ROBO1: variants seen among roughly 807,000 people sequenced by gnomAD.
ROBO1 encodes roundabout homolog 1.
Under a neutral mutation model 195.9 loss-of-function variants are expected in ROBO1, and 149 were observed. The observed-to-expected ratio is 0.76, with a 90% CI of 0.67 to 0.87. The LOEUF is 0.87. Ranked by LOEUF, ROBO1 falls within the 40% of genes least tolerant of loss-of-function variation. The pLI, the probability that ROBO1 is intolerant of heterozygous loss-of-function variation, is 0.00. For synonymous variants in ROBO1, 816 were observed against 733.2 expected, an observed-to-expected ratio of 1.11 and a Z score of -1.82; for missense variants, 1,933 against 2,068.3, an observed-to-expected ratio of 0.93 and a Z score of 1.27.
chr3:79,243,744 G>A lies in ROBO1; in HGVS notation c.89-118205C>T, dbSNP rs185136036. ...TCTGGATATTAGCCCTTTGTCAGAT[G>A]AGTAGATTGCAAAAATTTTCTCCCA... On this transcript the variant is annotated intron_variant, in intron 2 of 30. Transcript: ENST00000464233. Among the ~76,000 whole-genome samples the A allele has an allele frequency of 8.1e-3, 1,230 of 152,246 alleles. 23 individuals are homozygous for A. Among genetic ancestry groups the A allele is most frequent in the African/African-American group, 0.029 (1,192 of 41,538 alleles).
chr3:79,207,541 C>T (rs1188661525), intron 2 of ROBO1, among the ~76,000 whole-genome samples: 1 of 152,074 alleles, frequency 6.6e-6, no homozygotes, highest in Non-Finnish European at 1.5e-5. Context: ...TAATGAGAGA[C>T]TAAACCAGTG....
At chr3:79,174,855 C>CAAAAAAAAAA (rs796987730) in intron 2 of ROBO1, among the ~76,000 whole-genome samples, 1 of 74,456 alleles carries the variant, frequency 1.3e-5, no homozygotes, top group African/African-American at 4.2e-5. Context: ...GACTCCGCCT[C>CAAAAAAAAAA]AAAAAAAAAA....
In ROBO1 at chr3:79,747,773, T is replaced by C. The variant is rs550840208; in HGVS notation, c.-51+19979A>G. ...TATACTGGACAAATATGTAGTGTGT[T>C]TCAGGAAAATGAAAATGTGTGTCAA... On this transcript the variant is annotated intron_variant, in intron 1 of 30. Transcript: ENST00000464233. Among the ~76,000 whole-genome samples, 7 of 152,078 alleles carry C rather than the reference T, an allele frequency of 4.6e-5. No homozygotes were observed. In the East Asian group the frequency reaches 9.6e-4, roughly 21 times the overall value.
chr3:79,126,209 G>A (rs966966928), intron 2 of ROBO1, among the ~76,000 whole-genome samples: 3 of 151,954 alleles, frequency 2.0e-5, no homozygotes, highest in African/African-American at 7.3e-5. Context: ...GGATATTTTG[G>A]GTTGGATATT....
In ROBO1 at chr3:78,598,561, AAG is replaced by A. The variant is rs1166828876; in HGVS notation, c.*350_*351del. On this transcript the variant is annotated 3_prime_UTR_variant, in exon 31 of 31. Coordinates refer to ENST00000464233, the MANE Select transcript of ROBO1 (RefSeq NM_002941.4). ...CTTGCTATAAATTAGCTTGGCATAT[AAG>A]CAGTGCAATGCCATATCTCAGCGGC... 1 of 193,084 alleles carries A rather than the reference AAG, an allele frequency of 5.2e-6. No homozygotes were observed. The highest frequency in any genetic ancestry group is 1.1e-5 in the Non-Finnish European group (1 of 95,144). 12.0% of individuals were successfully genotyped at this position (193,084 alleles called of 1,614,324 possible).
At chr3:79,664,303 T>A (rs867677179) in intron 1 of ROBO1, among the ~76,000 whole-genome samples, 2 of 152,016 alleles carry the variant, frequency 1.3e-5, no homozygotes, top group Admixed American at 6.6e-5. Flanking sequence ...GAGATTTTGT[T>A]TTCTTTTTAT....
intron 5 of ROBO1, among the ~76,000 whole-genome samples, chr3:78,725,235 C>T (rs1347694861): frequency 2.6e-5 from 4 of 152,044 alleles, no homozygotes; most frequent in African/African-American, 9.6e-5. Flanking sequence ...TTGATGAAAG[C>T]AAAGCAAAAC....
chr3:79,473,818 A>G (rs905731496), intron 2 of ROBO1, among the ~76,000 whole-genome samples: 10 of 152,082 alleles, frequency 6.6e-5, no homozygotes, highest in Admixed American at 4.6e-4. Flanking sequence ...TAGATAGTTG[A>G]ATAAGAATAC....
chr3:79,488,942 T>C (rs189712298), intron 2 of ROBO1, among the ~76,000 whole-genome samples: 21 of 152,090 alleles, frequency 1.4e-4, no homozygotes, highest in Admixed American at 8.5e-4. Flanking sequence ...TAGCCTTGAG[T>C]CTCCAAAGTC....
intron 4 of ROBO1, among the ~76,000 whole-genome samples, chr3:78,841,519 C>T (rs1277816859): frequency 6.6e-6 from 1 of 152,056 alleles, no homozygotes; most frequent in Non-Finnish European, 1.5e-5. Context: ...TTGACTCGAC[C>T]CAGTTACCTG....
intron 2 of ROBO1, among the ~76,000 whole-genome samples, chr3:79,432,979 T>C (rs2038738154): frequency 6.6e-6 from 1 of 152,218 alleles, no homozygotes; most frequent in Non-Finnish European, 1.5e-5. Flanking sequence ...TTATGTATAG[T>C]TATTTTTAAA....
At chr3:79,581,951 T>C (rs1389255774) in intron 2 of ROBO1, among the ~76,000 whole-genome samples, 1 of 151,996 alleles carries the variant, frequency 6.6e-6, no homozygotes, top group Non-Finnish European at 1.5e-5. Flanking sequence ...TACTTTTAAC[T>C]TGGTTAATTG....
At chr3:79,744,182 T>A (rs144549808) in intron 1 of ROBO1, among the ~76,000 whole-genome samples, 1 of 152,320 alleles carries the variant, frequency 6.6e-6, no homozygotes, top group Non-Finnish European at 1.5e-5. Context: ...TGGCTATAAC[T>A]TCATTAAGCG....
chr3:79,161,523 G>A (rs978764250), intron 2 of ROBO1, among the ~76,000 whole-genome samples: 1 of 151,912 alleles, frequency 6.6e-6, no homozygotes, highest in South Asian at 2.1e-4. Context: ...ACACATAGAC[G>A]AGGGTCTTTG....
At chr3:79,629,314 A>G (rs1945269647) in intron 1 of ROBO1, among the ~76,000 whole-genome samples, 1 of 152,206 alleles carries the variant, frequency 6.6e-6, no homozygotes, top group Admixed American at 6.5e-5. Flanking sequence ...CTCAGAACAT[A>G]GAATAATAAA....
At chr3:78,711,588 C>A (rs1311407421) in intron 8 of ROBO1, among the ~76,000 whole-genome samples, 1 of 150,606 alleles carries the variant, frequency 6.6e-6, no homozygotes, top group Non-Finnish European at 1.5e-5. Flanking sequence ...CAGGTTCAAG[C>A]GATTCTCCTG....
chr3:79,186,301 A>C (rs1223875360), intron 2 of ROBO1, among the ~76,000 whole-genome samples: 1 of 151,792 alleles, frequency 6.6e-6, no homozygotes, highest in Non-Finnish European at 1.5e-5. Context: ...GTATATCTAC[A>C]CACACATGCA....
At chr3:79,023,671 ATTT>A (rs34267931) in intron 3 of ROBO1, among the ~76,000 whole-genome samples, 1 of 114,850 alleles carries the variant, frequency 8.7e-6, no homozygotes, top group Non-Finnish European at 1.7e-5. Flanking sequence ...AATAGGGCCA[ATTT>A]TTTTTTTTTT....
At chr3:78,820,601 G>T (rs1007809426) in intron 4 of ROBO1, among the ~76,000 whole-genome samples, 1 of 152,156 alleles carries the variant, frequency 6.6e-6, no homozygotes, top group African/African-American at 2.4e-5. Context: ...ATCATTCATT[G>T]TTGATAGCTC....
Sources: allele counts gnomAD v4.1 joint callset (sites outside exome capture counted in the v4.1 genomes callset), GRCh38; gene constraint gnomAD v4.1.1; transcripts MANE v1.5; gene names NCBI Gene and HGNC (gene_info 2026-07-23, HGNC 2026-07-21).